The following CSMD3 variants were observed in gnomAD, a reference collection of about 807,000 sequenced individuals.
CSMD3 encodes the protein CUB and Sushi multiple domains 3.
CSMD3 carries 177 observed loss-of-function variants against 435.2 expected under a neutral mutation model. The ratio of observed to expected loss-of-function variants is 0.41; its 90% CI spans 0.36 to 0.46. CSMD3 has a LOEUF of 0.46. CSMD3 is among the 20% of genes least tolerant of loss of function. The pLI is 0.34. For missense variants in CSMD3, 4,265 were observed against 4,504.6 expected (o/e 0.95, Z 1.52); for synonymous variants, 1,656 against 1,520.5 (o/e 1.09, Z -2.07).
chr8:112,478,229 C>T (rs1313385314), intron 31 of CSMD3, among the ~76,000 whole-genome samples: 1 of 152,136 alleles, frequency 6.6e-6, no homozygotes, highest in African/African-American at 2.4e-5. Context: ...CGGGCTAATA[C>T]ACAAGGAGTG....
At chr8:112,326,723 T>C (rs1823546944) in intron 45 of CSMD3, among the ~76,000 whole-genome samples, 1 of 152,156 alleles carries the variant, frequency 6.6e-6, no homozygotes, top group Non-Finnish European at 1.5e-5. Flanking sequence ...TGATTTAAAT[T>C]GGATATTCTT....
intron 24 of CSMD3, among the ~76,000 whole-genome samples, chr8:112,571,235 G>A (rs906734705): frequency 5.3e-5 from 8 of 151,942 alleles, no homozygotes. Flanking sequence ...TCAGACTCCC[G>A]ACCTCAGGTG....
chr8:113,353,464 A>T (rs1034200738), intron 1 of CSMD3, among the ~76,000 whole-genome samples: 6 of 152,188 alleles, frequency 3.9e-5, no homozygotes, highest in African/African-American at 1.4e-4. Context: ...TATATACAAC[A>T]CTGAAACACT....
At chr8:112,846,539 A>G (rs1466734230) in intron 11 of CSMD3, among the ~76,000 whole-genome samples, 1 of 151,822 alleles carries the variant, frequency 6.6e-6, no homozygotes. Context: ...AGTAACTGGG[A>G]CTAAAGACAT....
chr8:112,386,174 A>G (rs1285111764), intron 36 of CSMD3, among the ~76,000 whole-genome samples: 1 of 152,098 alleles, frequency 6.6e-6, no homozygotes, highest in Admixed American at 6.6e-5. Flanking sequence ...GAGGGAGGAG[A>G]GGTTCTGCCA....
chr8:112,262,535 T>A (rs1436890989), intron 61 of CSMD3, among the ~76,000 whole-genome samples: 2 of 152,002 alleles, frequency 1.3e-5, no homozygotes, highest in Non-Finnish European at 2.9e-5. Flanking sequence ...AAGGGAAGTG[T>A]TAAGGAGAAT....
Position 113,011,671 on chromosome 8 carries a change from T to A in CSMD3, c.1030+7396A>T, listed in dbSNP as rs1282047915. On this transcript the variant is annotated intron_variant, in intron 6 of 70. Coordinates refer to ENST00000297405, the MANE Select transcript of CSMD3 (RefSeq NM_198123.2). ...TAGATTTTAAATTAAATTAATGAAT[T>A]TTATAAAATAGGAAAAATATAATTT... Among the ~76,000 whole-genome samples the A allele has an allele frequency of 2.0e-5, 3 of 151,926 alleles. No individual in the cohort carries two copies. The East Asian group carries it at 5.8e-4, about 29-fold the overall frequency.
chr8:112,412,527 AT>A (rs149605512), intron 32 of CSMD3, among the ~76,000 whole-genome samples: 4 of 151,836 alleles, frequency 2.6e-5, no homozygotes, highest in African/African-American at 9.7e-5. Flanking sequence ...AACACTACTC[AT>A]TTTTTTTCTT....
At chr8:112,272,432 AC>A (rs1238622850) in intron 59 of CSMD3, among the ~76,000 whole-genome samples, 1 of 152,178 alleles carries the variant, frequency 6.6e-6, no homozygotes, top group Non-Finnish European at 1.5e-5. Flanking sequence ...GCATATAGTA[AC>A]CATAAAAATT....
chr8:112,425,117 C>T lies in CSMD3; in HGVS notation c.5396-16085G>A, dbSNP rs187719725. 3.2e-3 allele frequency among the ~76,000 whole-genome samples: 485 copies of T among 152,256 alleles called. 1 individual carries two copies. Among genetic ancestry groups the T allele is most frequent in the African/African-American group, 9.6e-3 (400 of 41,556 alleles). On this transcript the variant is annotated intron_variant, in intron 32 of 70. Transcript: ENST00000297405. ...CTTTACAGTTAAATGATGCTGGAAC[C>T]CAACTAGTAATAACCATTAATCAAA...
intron 9 of CSMD3, among the ~76,000 whole-genome samples, chr8:112,926,878 T>C (rs2082928219): frequency 6.6e-6 from 1 of 152,082 alleles, no homozygotes; most frequent in African/African-American, 2.4e-5. Flanking sequence ...TTGGTCTATT[T>C]AAAAAGGTCT....
chr8:112,281,866 T>C (rs181428912), intron 58 of CSMD3, among the ~76,000 whole-genome samples: 2 of 152,272 alleles, frequency 1.3e-5, no homozygotes, highest in Admixed American at 6.5e-5. Context: ...ATTCTATTTC[T>C]AGACCAGAGT....
At chr8:112,437,518 T>C (rs1024048433) in intron 32 of CSMD3, among the ~76,000 whole-genome samples, 2 of 152,074 alleles carry the variant, frequency 1.3e-5, no homozygotes, top group Non-Finnish European at 2.9e-5. Context: ...AATATGTCAA[T>C]AAAGCATGGG....
rs561262230 is a variant in CSMD3, at chr8:112,276,835, G to T, written c.9508+4339C>A. 1.7e-4 allele frequency among the ~76,000 whole-genome samples: 26 copies of T among 152,202 alleles called. No individual in the cohort carries two copies. The South Asian group carries it at 5.2e-3, about 30-fold the overall frequency. ...GCAGCCTCAACACCACATGGAAGCT[G>T]CCAAGGCTTGGGGCTTGCACACTCC... On this transcript the variant is annotated intron_variant, in intron 59 of 70. Coordinates refer to ENST00000297405, the MANE Select transcript of CSMD3 (RefSeq NM_198123.2).
intron 27 of CSMD3, among the ~76,000 whole-genome samples, chr8:112,536,708 A>T (rs1826125842): frequency 6.7e-6 from 1 of 149,036 alleles, no homozygotes; most frequent in Non-Finnish European, 1.5e-5. Context: ...TGCTATAAAG[A>T]CACACGCATG....
At chr8:113,290,484 A>C (rs1210339204) in intron 2 of CSMD3, among the ~76,000 whole-genome samples, 1 of 151,676 alleles carries the variant, frequency 6.6e-6, no homozygotes, top group Non-Finnish European at 1.5e-5. Context: ...AATTGTTTCC[A>C]TTGTGCCCAA....
chr8:113,177,578 A>G (rs2092365075), intron 3 of CSMD3, among the ~76,000 whole-genome samples: 2 of 152,000 alleles, frequency 1.3e-5, no homozygotes, highest in Admixed American at 1.3e-4. Flanking sequence ...TAGGGGAGGC[A>G]GTACTTTAAA....
chr8:113,269,221 A>G (rs954022702), intron 3 of CSMD3, among the ~76,000 whole-genome samples: 19 of 152,290 alleles, frequency 1.2e-4, no homozygotes, highest in Admixed American at 3.3e-4. Context: ...TGCTTCAAAG[A>G]GAATAAAATA....
chr8:113,068,906 A>C lies in CSMD3; in HGVS notation c.917+29850T>G, dbSNP rs2088978539. ...GCTGGGAAATGAAAAAATTCTAGCG[A>C]GACAAATTCATCTGCAAATCTTAAC... On this transcript the variant is annotated intron_variant, in intron 5 of 70. Coordinates refer to ENST00000297405, the MANE Select transcript of CSMD3 (RefSeq NM_198123.2). Among the ~76,000 whole-genome samples, 8 of 151,962 alleles carry C rather than the reference A, an allele frequency of 5.3e-5. No individual in the cohort carries two copies. The South Asian group carries it at 1.4e-3, about 28-fold the overall frequency.
Sources: gnomAD v4.1 joint callset for allele counts (sites outside exome capture counted in the v4.1 genomes callset) on GRCh38, gnomAD v4.1.1 for gene constraint, MANE v1.5 for transcripts, NCBI Gene and HGNC (gene_info 2026-07-23, HGNC 2026-07-21) for gene names.